Variants in EEFSEC observed in about 807,000 individuals in gnomAD.
EEFSEC encodes eukaryotic elongation factor, selenocysteine-tRNA specific.
In EEFSEC, 43 loss-of-function variants were observed where a neutral mutation model predicts 42.1. That is an observed-to-expected ratio of 1.02 (90% CI 0.80 to 1.32). The LOEUF is 1.32. Among genes scored for constraint, EEFSEC ranks in the 40% most tolerant of loss-of-function variants. The pLI is 0.00. For missense variants in EEFSEC, 745 were observed against 803.6 expected (o/e 0.93, Z 0.88); for synonymous variants, 354 against 339.1 (o/e 1.04, Z -0.48).
intron 6 of EEFSEC, among the ~76,000 whole-genome samples, chr3:128,383,640 G>A (rs1323656633): frequency 6.6e-6 from 1 of 152,262 alleles, no homozygotes; most frequent in Non-Finnish European, 1.5e-5. Context: ...GAGCAAGGTG[G>A]CTGTGCCCTG....
chr3:128,401,355 A>G (rs114714404), intron 6 of EEFSEC, among the ~76,000 whole-genome samples: 6,672 of 152,200 alleles, frequency 0.044, 478 homozygotes, highest in African/African-American at 0.15. Flanking sequence ...GTTTTCATCA[A>G]ACCTCCCTGA....
intron 4 of EEFSEC, among the ~76,000 whole-genome samples, chr3:128,295,466 T>TTTG (rs2066693945): frequency 6.7e-6 from 1 of 148,646 alleles, no homozygotes; most frequent in Non-Finnish European, 1.5e-5. Context: ...TTTTTTTTTT[T>TTTG]TTTTTTTTGC....
At chr3:128,166,296 G>A (rs1313294670) in intron 1 of EEFSEC, among the ~76,000 whole-genome samples, 1 of 152,192 alleles carries the variant, frequency 6.6e-6, no homozygotes, top group Non-Finnish European at 1.5e-5. Context: ...AATCTCTGCA[G>A]TGGCTTGATC....
At chr3:128,184,490 T>A (rs1173414961) in intron 1 of EEFSEC, among the ~76,000 whole-genome samples, 1 of 152,226 alleles carries the variant, frequency 6.6e-6, no homozygotes, top group Non-Finnish European at 1.5e-5. Flanking sequence ...TGTTGTAGCA[T>A]GTGTCAGAAT....
intron 4 of EEFSEC, among the ~76,000 whole-genome samples, chr3:128,327,265 C>CCT (rs1294485368): frequency 4.0e-5 from 6 of 151,796 alleles, no homozygotes; most frequent in African/African-American, 1.5e-4. Context: ...TCAGACCTGC[C>CCT]CTGGCACCTC....
At chr3:128,243,382 C>A (rs2066093224) in intron 1 of EEFSEC, among the ~76,000 whole-genome samples, 1 of 152,202 alleles carries the variant, frequency 6.6e-6, no homozygotes, top group Non-Finnish European at 1.5e-5. Context: ...AGCAAGAGGG[C>A]CTGATGCGTG....
chr3:128,174,279 TAC>T (rs1332972735), intron 1 of EEFSEC, among the ~76,000 whole-genome samples: 5 of 152,316 alleles, frequency 3.3e-5, no homozygotes, highest in Non-Finnish European at 7.4e-5. Flanking sequence ...ACACAGAAAA[TAC>T]AGTTTACAAT....
At chr3:128,247,444 G>T (rs937505679) in intron 2 of EEFSEC, among the ~76,000 whole-genome samples, 1 of 152,178 alleles carries the variant, frequency 6.6e-6, no homozygotes, top group Admixed American at 6.5e-5. Flanking sequence ...TGCAAGAGAG[G>T]CTAGGACTGT....
intron 6 of EEFSEC, among the ~76,000 whole-genome samples, chr3:128,402,199 A>G (rs1269537957): frequency 3.3e-5 from 5 of 152,240 alleles, no homozygotes. Context: ...CAGTGCTTGC[A>G]ACCCACTCCC....
chr3:128,372,145 C>G (rs2067661242), intron 6 of EEFSEC, among the ~76,000 whole-genome samples: 1 of 152,228 alleles, frequency 6.6e-6, no homozygotes. Context: ...GCAGAGTGAA[C>G]TGATAAAACA....
chr3:128,243,024 G>A lies in EEFSEC; in HGVS notation c.317-3812G>A, dbSNP rs140869344. On this transcript the variant is annotated intron_variant, in intron 1 of 6. Transcript: ENST00000254730. ...CGGGCCAGTTGTGTCACTTCCTGTC[G>A]TCTGATCAAAAGTTTGATGAAGAAA... Among the ~76,000 whole-genome samples the A allele has an allele frequency of 2.5e-3, 375 of 152,294 alleles. 3 individuals carry two copies. The highest frequency in any genetic ancestry group is 7.7e-3 in the African/African-American group (319 of 41,540).
intron 4 of EEFSEC, among the ~76,000 whole-genome samples, chr3:128,308,822 A>C (rs566593806): frequency 4.0e-4 from 61 of 152,272 alleles, no homozygotes; most frequent in African/African-American, 1.4e-3. Context: ...CATGGATGGG[A>C]GAGCTCAAGA....
intron 6 of EEFSEC, among the ~76,000 whole-genome samples, chr3:128,394,705 C>A (rs1435796184): frequency 6.6e-6 from 1 of 152,208 alleles, no homozygotes; most frequent in African/African-American, 2.4e-5. Context: ...CCATGCTCCC[C>A]CAATGGCCAG....
chr3:128,284,251 T>C (rs2066559830), intron 4 of EEFSEC, among the ~76,000 whole-genome samples: 1 of 152,216 alleles, frequency 6.6e-6, no homozygotes, highest in Non-Finnish European at 1.5e-5. Context: ...ACGTATTTCA[T>C]ACTCCCGCCT....
intron 2 of EEFSEC, among the ~76,000 whole-genome samples, chr3:128,248,954 A>G (rs905378004): frequency 6.6e-6 from 1 of 152,246 alleles, no homozygotes; most frequent in African/African-American, 2.4e-5. Context: ...ATCCAGCACC[A>G]GCAGGCTGGT....
At chr3:128,172,584 C>T (rs2065310032) in intron 1 of EEFSEC, among the ~76,000 whole-genome samples, 2 of 152,172 alleles carry the variant, frequency 1.3e-5, no homozygotes, top group South Asian at 4.1e-4. Flanking sequence ...CAGGTGTGAA[C>T]CACTGTGACT....
At chr3:128,334,744 C>G (rs1386237435) in intron 4 of EEFSEC, among the ~76,000 whole-genome samples, 2 of 152,216 alleles carry the variant, frequency 1.3e-5, no homozygotes, top group Admixed American at 6.5e-5. Context: ...CCCTCCTTCC[C>G]CAGAAGTGCT....
intron 4 of EEFSEC, among the ~76,000 whole-genome samples, chr3:128,308,082 A>T (rs1419317743): frequency 6.6e-6 from 1 of 152,254 alleles, no homozygotes; most frequent in Non-Finnish European, 1.5e-5. Context: ...ACTTGCACAC[A>T]TGCTCTGCGC....
chr3:128,213,223 C>T (rs993912032), intron 1 of EEFSEC, among the ~76,000 whole-genome samples: 10 of 152,162 alleles, frequency 6.6e-5, no homozygotes, highest in Middle Eastern at 6.3e-3. Flanking sequence ...TTTCGTCTTC[C>T]GGATCTTAGG....
Sources: allele counts gnomAD v4.1 joint callset (sites outside exome capture counted in the v4.1 genomes callset), GRCh38; gene constraint gnomAD v4.1.1; transcripts MANE v1.5; gene names NCBI Gene and HGNC (gene_info 2026-07-23, HGNC 2026-07-21).